The following MTCL2 variants were observed in gnomAD, a reference collection of about 807,000 sequenced individuals.
MTCL2 encodes microtubule cross-linking factor 2.
At chr20:36,863,488 G>A in the MTCL2 span, 1 of 508,336 alleles carries the variant, frequency 2.0e-6, no homozygotes, top group Non-Finnish European at 2.7e-6. This position sits in a 1 kb window ranked among gnomAD's most constrained non-coding sequence, Gnocchi z 6.2. Flanking sequence ...CCGCGTCCCC[G>A]TCCCAAGCCC....
chr20:36,859,499 C>A, the MTCL2 span: 2 of 959,162 alleles, frequency 2.1e-6, no homozygotes, highest in Non-Finnish European at 2.7e-6. Flanking sequence ...ATTCCACAAA[C>A]CCTCTATCTT....
At chr20:36,820,630 C>A in the MTCL2 span, among the ~76,000 whole-genome samples, 1 of 151,996 alleles carries the variant, frequency 6.6e-6, no homozygotes, top group African/African-American at 2.4e-5. Flanking sequence ...TCACCTGAGG[C>A]CAGGAGTTTG....
At chr20:36,836,725 G>C in the MTCL2 span, among the ~76,000 whole-genome samples, 9 of 151,982 alleles carry the variant, frequency 5.9e-5, no homozygotes, top group Non-Finnish European at 8.8e-5. Context: ...GGCCTCTAGC[G>C]ATCCTCCCAC....
the MTCL2 span, chr20:36,862,640 C>T: frequency 2.0e-6 from 3 of 1,489,434 alleles, no homozygotes; most frequent in Non-Finnish European, 2.7e-6. Context: ...ACCTCCCTTT[C>T]TACCCGGGCG....
the MTCL2 span, chr20:36,805,960 G>GT: frequency 2.5e-6 from 4 of 1,596,704 alleles, no homozygotes; most frequent in Non-Finnish European, 3.4e-6. Flanking sequence ...CTGTTCACCT[G>GT]TTTTTTAAAA....
the MTCL2 span, chr20:36,815,520 G>A: frequency 2.5e-6 from 4 of 1,578,058 alleles, no homozygotes; most frequent in Non-Finnish European, 3.4e-6. The surrounding 1 kb of genome is among the most constrained non-coding windows in gnomAD (Gnocchi z 5.3). Context: ...GAGTCGGACC[G>A]CATGGGACTC....
At chr20:36,783,966 G>A in the MTCL2 span, 1 of 985,650 alleles carries the variant, frequency 1.0e-6, no homozygotes, top group Non-Finnish European at 1.2e-6. Context: ...ACAGTGGCAT[G>A]CAGGAAGTAG....
At chr20:36,844,625 G>C in the MTCL2 span, among the ~76,000 whole-genome samples, 1 of 151,668 alleles carries the variant, frequency 6.6e-6, no homozygotes, top group Non-Finnish European at 1.5e-5. Context: ...AGGAGGTTGG[G>C]GTTCTGTTGA....
chr20:36,812,706 C>T, the MTCL2 span: 1 of 1,613,884 alleles, frequency 6.2e-7, no homozygotes, highest in Admixed American at 1.7e-5. Flanking sequence ...AGACCCACCT[C>T]AGAGGCATAG....
chr20:36,824,856 A>G, the MTCL2 span, among the ~76,000 whole-genome samples: 2 of 151,264 alleles, frequency 1.3e-5, no homozygotes, highest in South Asian at 4.2e-4. Context: ...GTCTCAATAT[A>G]TTGCCCAGGC....
At chr20:36,852,196 G>A in the MTCL2 span, among the ~76,000 whole-genome samples, 10 of 152,110 alleles carry the variant, frequency 6.6e-5, no homozygotes, top group Non-Finnish European at 1.2e-4. Context: ...GGGAGCCTCC[G>A]CCTGGCCCGC....
the MTCL2 span, among the ~76,000 whole-genome samples, chr20:36,845,171 C>A: frequency 6.6e-6 from 1 of 152,208 alleles, no homozygotes; most frequent in South Asian, 2.1e-4. Flanking sequence ...ATGTCCCAAC[C>A]CAGACTTGCT....
the MTCL2 span, chr20:36,781,700 A>T: frequency 1.3e-5 from 2 of 150,584 alleles, no homozygotes; most frequent in Non-Finnish European, 3.0e-5. Flanking sequence ...ATAATAATAA[A>T]TAATAAATAA....
the MTCL2 span, chr20:36,804,763 C>A: frequency 6.2e-7 from 1 of 1,613,938 alleles, no homozygotes; most frequent in Non-Finnish European, 8.5e-7. Context: ...GAGCTCTGCC[C>A]GCTCTGTCTC....
chr20:36,794,280 G>C, the MTCL2 span: 2 of 1,552,278 alleles, frequency 1.3e-6, no homozygotes, highest in Admixed American at 3.9e-5. The surrounding 1 kb of genome is among the most constrained non-coding windows in gnomAD (Gnocchi z 5.4). Context: ...TCTTTGTCAT[G>C]AACCACAGGG....
the MTCL2 span, among the ~76,000 whole-genome samples, chr20:36,841,874 G>GGT: frequency 0.083 from 9,174 of 110,646 alleles, 434 homozygotes; most frequent in East Asian, 0.14. Flanking sequence ...TGGGGGGTGG[G>GGT]GTGTGTGTGT....
At chr20:36,805,398 C>T in the MTCL2 span, among the ~76,000 whole-genome samples, 1 of 152,168 alleles carries the variant, frequency 6.6e-6, no homozygotes, top group African/African-American at 2.4e-5. Flanking sequence ...ACTGTTCTCT[C>T]TGACTTATGG....
the MTCL2 span, chr20:36,817,319 C>T: frequency 9.0e-7 from 1 of 1,106,788 alleles, no homozygotes; most frequent in Non-Finnish European, 1.3e-6. Context: ...AAGGGGAGGA[C>T]AGGGCAGAAT....
At chr20:36,793,143 G>A in the MTCL2 span, 49 of 1,333,172 alleles carry the variant, frequency 3.7e-5, no homozygotes, top group South Asian at 9.2e-5. The surrounding 1 kb of genome is among the most constrained non-coding windows in gnomAD (Gnocchi z 6.8). Context: ...GATCTCAGGC[G>A]ATCCACCCAC....
Sources: allele counts gnomAD v4.1 joint callset (sites outside exome capture counted in the v4.1 genomes callset), GRCh38; gene constraint gnomAD v4.1.1; non-coding constraint Gnocchi (gnomAD v3.1); transcripts MANE v1.5; gene names NCBI Gene and HGNC (gene_info 2026-07-23, HGNC 2026-07-21).